Variants in JUP observed in about 807,000 individuals in gnomAD.
The protein encoded by JUP is catenin (cadherin-associated protein), gamma 80kDa.
In JUP, 28 loss-of-function variants were observed where a neutral mutation model predicts 71.1. The ratio of observed to expected loss-of-function variants is 0.39; its 90% confidence interval spans 0.29 to 0.54. The LOEUF is 0.54. Ranked by LOEUF, JUP falls within the 20% of genes least tolerant of loss-of-function variation. The probability of loss-of-function intolerance (pLI) is 0.62; values close to 1 mark genes in which losing one functional copy is unlikely to be tolerated. For synonymous variants in JUP, 401 were observed against 438.9 expected, an observed-to-expected ratio of 0.91 and a Z score of 1.08; for missense variants, 869 against 1,030.1, an observed-to-expected ratio of 0.84 and a Z score of 2.14.
chr17:41,756,315 C>T, intron 12 of JUP, 101 bp from the exon 13 acceptor site: 1 of 1,229,584 alleles, frequency 8.1e-7, no homozygotes, highest in Non-Finnish European at 1.2e-6. Context: ...AAAGAGGGGG[C>T]CAGGCTGGGT....
At chr17:41,774,252 G>A (rs375227729) in intron 1 of JUP, among the ~76,000 whole-genome samples, 6 of 152,122 alleles carry the variant, frequency 3.9e-5, no homozygotes, top group Non-Finnish European at 8.8e-5. Flanking sequence ...GGGGGTGGAC[G>A]CCCAGTGGCC....
chr17:41,767,720 A>G (rs1915955417), intron 4 of JUP, 140 bp from the exon 5 acceptor site: 2 of 670,134 alleles, frequency 3.0e-6, no homozygotes, highest in Admixed American at 2.4e-5. Flanking sequence ...CTAAAATCTC[A>G]TCACTCCTTG....
intron 1 of JUP, among the ~76,000 whole-genome samples, chr17:41,784,383 G>T (rs1255918019): frequency 2.6e-5 from 4 of 152,010 alleles, no homozygotes; most frequent in African/African-American, 9.7e-5. Context: ...GACTAACTGG[G>T]TCCTACCTTC....
At chr17:41,774,169 C>G (rs573573742) in intron 1 of JUP, among the ~76,000 whole-genome samples, 1 of 151,310 alleles carries the variant, frequency 6.6e-6, no homozygotes, top group Admixed American at 6.6e-5. Flanking sequence ...CCAGGTCAAC[C>G]GCCAGGAGAC....
chr17:41,762,873 T>C, intron 8 of JUP, 110 bp downstream of exon 8: 1 of 822,620 alleles, frequency 1.2e-6, no homozygotes, highest in Non-Finnish European at 2.0e-6. Context: ...AACTTCTGTC[T>C]TATTCGAGCC....
chr17:41,765,682 A>C (rs1205667184), intron 5 of JUP, among the ~76,000 whole-genome samples: 2 of 152,172 alleles, frequency 1.3e-5, no homozygotes, highest in Non-Finnish European at 2.9e-5. Flanking sequence ...CTGTTATGTA[A>C]GCCAAAATTT....
chr17:41,784,556 G>A (rs989655545), intron 1 of JUP, among the ~76,000 whole-genome samples: 4 of 152,248 alleles, frequency 2.6e-5, no homozygotes, highest in Admixed American at 1.3e-4. Flanking sequence ...CCTCCACCTT[G>A]GCACAGAGAA....
chr17:41,781,517 T>C (rs782658638), intron 1 of JUP, among the ~76,000 whole-genome samples: 2 of 152,228 alleles, frequency 1.3e-5, no homozygotes, highest in Non-Finnish European at 2.9e-5. Flanking sequence ...AGATATTCCA[T>C]GTCCCCAGAC....
chr17:41,764,021 A>C (rs1343130131), intron 7 of JUP, among the ~76,000 whole-genome samples: 1 of 152,016 alleles, frequency 6.6e-6, no homozygotes, highest in Non-Finnish European at 1.5e-5. Flanking sequence ...CCACACTCTA[A>C]CCCCAGGTTG....
intron 2 of JUP, among the ~76,000 whole-genome samples, chr17:41,770,446 A>G (rs1916478256): frequency 6.6e-6 from 1 of 152,182 alleles, no homozygotes; most frequent in Non-Finnish European, 1.5e-5. Flanking sequence ...ATTAGTCGAG[A>G]AGGAGGAGAC....
chr17:41,763,401 G>T, intron 7 of JUP, 80 bp from the exon 8 acceptor site: 1 of 1,077,216 alleles, frequency 9.3e-7, no homozygotes, highest in Non-Finnish European at 1.4e-6. Context: ...AAGGGGAGTG[G>T]GATGACCTAA....
At chr17:41,773,904 G>A (rs546475919) in intron 1 of JUP, among the ~76,000 whole-genome samples, 7 of 152,318 alleles carry the variant, frequency 4.6e-5, no homozygotes, top group South Asian at 2.1e-4. Context: ...ACTGAATGCC[G>A]CTCTGCTGGG....
rs1802125805 is a variant in JUP, at chr17:41,769,164, T to C, written c.512A>G (p.Lys171Arg). 5 of 1,604,500 alleles carry C rather than the reference T, an allele frequency of 3.1e-6. No homozygotes were observed. Among genetic ancestry groups the C allele is most frequent in the Non-Finnish European group, 4.2e-6 (5 of 1,179,940 alleles). Residue 171 changes from lysine to arginine, a missense_variant, in exon 4 of 14, where the codon AAG becomes AGG. Lys to Arg is a conservative substitution (Grantham distance 26). Transcript: ENST00000393931. ...CAGGGCCCGCCGCGACGCCTCCTTC[T>C]TCGACAGCTGGTTCACAATCATGGC... is the stretch of plus-strand genomic sequence containing the variant. ...KAAMIVNQLS[K>R]KEASRRALMG...
At chr17:41,774,762 G>A (rs540184251) in intron 1 of JUP, among the ~76,000 whole-genome samples, 1 of 152,258 alleles carries the variant, frequency 6.6e-6, no homozygotes, top group African/African-American at 2.4e-5. Flanking sequence ...AAGGGGAGGA[G>A]GGGACCAAGG....
In JUP at chr17:41,769,567, C is replaced by T. The variant is rs1168143267; in HGVS notation, c.319G>A (p.Glu107Lys). 3 of 1,607,688 alleles carry T rather than the reference C, an allele frequency of 1.9e-6. No individual in the cohort carries two copies. Among genetic ancestry groups the T allele is most frequent in the African/African-American group, 1.3e-5 (1 of 74,920 alleles). ...DSSLLLATQV[E>K]GQATNLQRLA... The stretch of plus-strand genomic sequence containing the variant: ...CGCTGCAGGTTGGTGGCCTGCCCCT[C>T]CACCTGGGTGGCCAGCAGAAGCGAG... Residue 107 changes from glutamate (E) to lysine (K), a missense_variant, in exon 3 of 14, where the codon GAG becomes AAG. Coordinates refer to ENST00000393931, the MANE Select transcript of JUP (RefSeq NM_002230.4).
intron 12 of JUP, among the ~76,000 whole-genome samples, chr17:41,756,913 T>C (rs1597778307): frequency 6.6e-6 from 1 of 151,892 alleles, no homozygotes; most frequent in Admixed American, 6.6e-5. Context: ...AATATAAAAA[T>C]AAATAAATAA....
At chr17:41,783,207 G>A (rs1178430000) in intron 1 of JUP, among the ~76,000 whole-genome samples, 3 of 151,808 alleles carry the variant, frequency 2.0e-5, no homozygotes, top group Non-Finnish European at 1.5e-5. Flanking sequence ...CTTGGGTCTC[G>A]CTGTACAACA....
Position 41,763,273 on chromosome 17 carries a change from C to A in JUP, c.1207G>T (p.Asp403Tyr). The change falls in exon 8 of 14, where the codon GAT (aspartate) becomes TAT (tyrosine). Residue 403 changes from aspartate to tyrosine, a missense_variant. Asp to Tyr is a radical substitution (Grantham distance 160, BLOSUM62 -3). Coordinates refer to ENST00000393931, the MANE Select transcript of JUP (RefSeq NM_002230.4). ...LKILVNQLSV[D>Y]DVNVLTCATG... ...GCACAGGTGAGGACGTTGACGTCAT[C>A]CACACTCAGCTGATTCACCAGAATC... is the stretch of plus-strand genomic sequence containing the variant. 1 of 1,614,162 alleles carries A rather than the reference C, an allele frequency of 6.2e-7. No homozygotes were observed. Among genetic ancestry groups the A allele is most frequent in the Non-Finnish European group, 8.5e-7 (1 of 1,180,028 alleles).
intron 12 of JUP, among the ~76,000 whole-genome samples, chr17:41,757,018 G>A (rs573674027): frequency 3.3e-5 from 5 of 152,130 alleles, no homozygotes; most frequent in African/African-American, 1.2e-4. Flanking sequence ...TCATGTCCTC[G>A]GTACTCCCCA....
Sources: allele counts gnomAD v4.1 joint callset (sites outside exome capture counted in the v4.1 genomes callset), GRCh38; gene constraint gnomAD v4.1.1; transcripts MANE v1.5; gene names NCBI Gene and HGNC (gene_info 2026-07-23, HGNC 2026-07-21).